PCDH15: variants seen among roughly 807,000 people sequenced by gnomAD.
The protein encoded by PCDH15 is protocadherin related 15.
Under a neutral mutation model 178.5 loss-of-function variants are expected in PCDH15, and 129 were observed. The observed-to-expected ratio is 0.72, with a 90% CI of 0.63 to 0.84. The LOEUF (loss-of-function observed/expected upper bound fraction) is 0.84, where lower values mean the gene tolerates loss of function less well. Among genes scored for constraint, PCDH15 ranks in the 40% least tolerant of loss-of-function variants. The probability of loss-of-function intolerance (pLI) is 0.00; values close to 1 mark genes in which losing one functional copy is unlikely to be tolerated. For synonymous variants in PCDH15, 800 were observed against 732.0 expected, an observed-to-expected ratio of 1.09 and a Z score of -1.50; for missense variants, 2,230 against 2,099.9, an observed-to-expected ratio of 1.06 and a Z score of -1.21.
rs373410101 is a variant in PCDH15 at position 53,959,856 on chromosome 10, A to G, written c.3010-12T>C. 5.1e-5 allele frequency: 81 copies of G among 1,592,482 alleles called. No individual in the cohort carries two copies. Among genetic ancestry groups the G allele is most frequent in the Non-Finnish European group, 6.7e-5 (78 of 1,160,336 alleles). On this transcript the variant is annotated splice_polypyrimidine_tract_variant and intron_variant, in intron 22 of 37. Coordinates refer to ENST00000644397, the MANE Select transcript of PCDH15 (RefSeq NM_001384140.1). ...GCAACCACCACCAACTTAAAAAGCA[A>G]TAAAAATTCATGTTAAAGATTATAA... is the stretch of plus-strand genomic sequence containing the variant.
At chr10:55,596,771 C>T (rs1203710741) in intron 2 of PCDH15, among the ~76,000 whole-genome samples, 1 of 151,806 alleles carries the variant, frequency 6.6e-6, no homozygotes, top group African/African-American at 2.4e-5. Context: ...ATATCTGATG[C>T]CATTATGTCA....
intron 1 of PCDH15, among the ~76,000 whole-genome samples, chr10:55,185,240 A>T (rs900828075): frequency 1.3e-5 from 2 of 151,842 alleles, no homozygotes; most frequent in Non-Finnish European, 2.9e-5. Context: ...TTGAGACAAA[A>T]CAAATGTTTA....
intron 2 of PCDH15, among the ~76,000 whole-genome samples, chr10:55,532,064 A>G (rs2132064543): frequency 6.6e-6 from 1 of 152,180 alleles, no homozygotes; most frequent in East Asian, 1.9e-4. Context: ...AAATATCTAA[A>G]CTATGAATAA....
At chr10:54,495,316 G>A (rs1589710535) in intron 3 of PCDH15, among the ~76,000 whole-genome samples, 1 of 152,152 alleles carries the variant, frequency 6.6e-6, no homozygotes, top group Non-Finnish European at 1.5e-5. Flanking sequence ...TATGTCTCAT[G>A]TAGCAATGCA....
chr10:54,439,187 A>G (rs913761401), intron 3 of PCDH15, among the ~76,000 whole-genome samples: 21 of 152,066 alleles, frequency 1.4e-4, no homozygotes, highest in African/African-American at 4.3e-4. Flanking sequence ...TGAATAATAC[A>G]TAGCATAAAT....
chr10:54,827,100 G>T (rs1334719550), intron 3 of PCDH15, among the ~76,000 whole-genome samples: 2 of 152,096 alleles, frequency 1.3e-5, no homozygotes, highest in African/African-American at 4.8e-5. Context: ...ATGGAGGCCA[G>T]GAAATGTCTT....
chr10:54,676,781 C>G (rs552283310), intron 1 of PCDH15, among the ~76,000 whole-genome samples: 2 of 152,250 alleles, frequency 1.3e-5, no homozygotes, highest in East Asian at 3.9e-4. Flanking sequence ...ATAAAAACAT[C>G]ATTAATAAGT....
intron 3 of PCDH15, among the ~76,000 whole-genome samples, chr10:54,890,914 C>T (rs754714044): frequency 1.4e-4 from 21 of 152,100 alleles, no homozygotes; most frequent in South Asian, 6.2e-4. Context: ...CAATAAAACA[C>T]ATAAACTCAT....
intron 3 of PCDH15, among the ~76,000 whole-genome samples, chr10:54,455,482 A>G (rs1402588277): frequency 6.6e-6 from 1 of 152,122 alleles, no homozygotes; most frequent in Non-Finnish European, 1.5e-5. Context: ...ATTTGTTAGG[A>G]GTTGGAGTAT....
chr10:54,168,529 C>T lies in PCDH15; in HGVS notation c.1590+14915G>A, dbSNP rs568960734. Among the ~76,000 whole-genome samples, 569 of 152,292 alleles carry T rather than the reference C, an allele frequency of 3.7e-3. 4 individuals carry two copies. Among genetic ancestry groups the T allele is most frequent in the Middle Eastern group, 0.02 (6 of 294 alleles). On this transcript the variant is annotated intron_variant, in intron 13 of 37. Coordinates refer to ENST00000644397, the MANE Select transcript of PCDH15 (RefSeq NM_001384140.1). Reference sequence around the variant, plus strand: ...ATCGCCTCCCCTCCTCACACCTGGTCGGGCTTACAGTTTCGTTCCGTGACT... The same window carrying T: ...ATCGCCTCCCCTCCTCACACCTGGTTGGGCTTACAGTTTCGTTCCGTGACT...
intron 2 of PCDH15, among the ~76,000 whole-genome samples, chr10:55,104,117 CAGT>C (rs1462152726): frequency 6.6e-6 from 1 of 152,040 alleles, no homozygotes; most frequent in Admixed American, 6.6e-5. Flanking sequence ...TTGCATAAAA[CAGT>C]AGAATTAGCC....
chr10:55,148,284 T>G (rs577792692), intron 2 of PCDH15, among the ~76,000 whole-genome samples: 12 of 151,942 alleles, frequency 7.9e-5, no homozygotes, highest in Non-Finnish European at 1.3e-4. Flanking sequence ...CAGATTGAGA[T>G]TTCCTCAAAA....
intron 1 of PCDH15, among the ~76,000 whole-genome samples, chr10:54,689,240 G>GCT: frequency 6.6e-6 from 1 of 152,148 alleles, no homozygotes; most frequent in South Asian, 2.1e-4. Flanking sequence ...AAGTTTATGA[G>GCT]CTAAGTGATG....
At chr10:54,937,443 C>A (rs1480002718) in intron 2 of PCDH15, among the ~76,000 whole-genome samples, 2 of 151,916 alleles carry the variant, frequency 1.3e-5, no homozygotes, top group Non-Finnish European at 1.5e-5. Context: ...CTCCTAATCC[C>A]TGAACATAAG....
intron 2 of PCDH15, among the ~76,000 whole-genome samples, chr10:54,587,766 T>C (rs1247135864): frequency 6.6e-6 from 1 of 152,138 alleles, no homozygotes; most frequent in Non-Finnish European, 1.5e-5. Context: ...AACATCAATG[T>C]AATTAAGAGG....
chr10:55,029,692 C>A (rs1450031198), intron 2 of PCDH15, among the ~76,000 whole-genome samples: 2 of 152,062 alleles, frequency 1.3e-5, no homozygotes, highest in East Asian at 3.9e-4. Flanking sequence ...ATTCCTGTTG[C>A]CCATTCTTGT....
intron 21 of PCDH15, among the ~76,000 whole-genome samples, chr10:53,993,698 C>T (rs1159511612): frequency 6.6e-6 from 1 of 152,084 alleles, no homozygotes; most frequent in Non-Finnish European, 1.5e-5. Flanking sequence ...CAAAAACGTT[C>T]ATGGAATTGA....
intron 2 of PCDH15, among the ~76,000 whole-genome samples, chr10:54,901,493 T>G (rs1954639626): frequency 6.6e-6 from 1 of 152,204 alleles, no homozygotes; most frequent in Non-Finnish European, 1.5e-5. Flanking sequence ...TACATGCTAA[T>G]AATGTGATTT....
intron 3 of PCDH15, among the ~76,000 whole-genome samples, chr10:54,402,898 A>G (rs1454563046): frequency 6.6e-6 from 1 of 152,028 alleles, no homozygotes; most frequent in African/African-American, 2.4e-5. Flanking sequence ...TAAGGGTTCA[A>G]GTGAAAGAGT....
Sources: allele counts gnomAD v4.1 joint callset (sites outside exome capture counted in the v4.1 genomes callset), GRCh38; gene constraint gnomAD v4.1.1; transcripts MANE v1.5; gene names NCBI Gene and HGNC (gene_info 2026-07-23, HGNC 2026-07-21).